CLVS1: variants seen among roughly 807,000 people sequenced by gnomAD.
CLVS1 encodes clavesin-1.
A neutral mutation model predicts 33.1 loss-of-function variants in CLVS1; 10 were observed. The ratio of observed to expected loss-of-function variants is 0.30; its 90% CI spans 0.19 to 0.51. CLVS1 has a LOEUF of 0.51. Ranked by LOEUF, CLVS1 falls within the 20% of genes least tolerant of loss-of-function variation. The pLI, the probability that CLVS1 is intolerant of heterozygous loss-of-function variation, is 0.97. For synonymous variants in CLVS1, 163 were observed against 166.1 expected, an observed-to-expected ratio of 0.98 and a Z score of 0.14; for missense variants, 343 against 433.4, an observed-to-expected ratio of 0.79 and a Z score of 1.85.
chr8:60,992,207 T>C, the CLVS1 span, among the ~76,000 whole-genome samples: 6 of 152,228 alleles, frequency 3.9e-5, no homozygotes, highest in Non-Finnish European at 5.9e-5. Context: ...GTCCAATTTG[T>C]AAGAATTGTC....
At chr8:61,467,425 G>A (rs753456453) in intron 5 of CLVS1, among the ~76,000 whole-genome samples, 4 of 152,116 alleles carry the variant, frequency 2.6e-5, no homozygotes, top group Non-Finnish European at 4.4e-5. Context: ...GTATTTCTTG[G>A]CAAAAATAAA....
the CLVS1 span, among the ~76,000 whole-genome samples, chr8:61,033,818 C>T: frequency 6.6e-6 from 1 of 152,208 alleles, no homozygotes; most frequent in Admixed American, 6.5e-5. Flanking sequence ...CCAACCCTGA[C>T]AGATGAGTCA....
intron 2 of CLVS1, among the ~76,000 whole-genome samples, chr8:61,365,249 C>T (rs1369714439): frequency 6.6e-6 from 1 of 152,086 alleles, no homozygotes; most frequent in African/African-American, 2.4e-5. Context: ...AAATGTTGGC[C>T]AGGTGCGTTG....
chr8:61,246,167 C>CTTTTTTTTTTTTTTTTTTTTTTTTTTT (rs1188366643), intron 2 of CLVS1, among the ~76,000 whole-genome samples: 2 of 82,210 alleles, frequency 2.4e-5, no homozygotes, highest in Admixed American at 1.7e-4. Flanking sequence ...TCCTTCCCAA[C>CTTTTTTTTTTTTTTTTTTTTTTTTTTT]TTTTTTTTTT....
intron 2 of CLVS1, among the ~76,000 whole-genome samples, chr8:61,279,993 TA>T (rs34597336): frequency 0.27 from 40,327 of 152,008 alleles, 6,522 homozygotes; most frequent in Non-Finnish European, 0.35. Flanking sequence ...TTAAATAAGA[TA>T]AAAAATCAGC....
rs117255784 is a variant in CLVS1 at position 61,325,974 on chromosome 8, A to G, written c.455+25692A>G. Among the ~76,000 whole-genome samples the G allele has an allele frequency of 3.5e-3, 530 of 152,252 alleles. 1 individual carries two copies. Among genetic ancestry groups the G allele is most frequent in the Non-Finnish European group, 5.2e-3 (357 of 68,008 alleles). ...CACAAGTTTATTAGGTACACTTGCC[A>G]TGCTCTACATTATCTCAGAAAACAC... On this transcript the variant is annotated intron_variant, in intron 2 of 5. Coordinates refer to ENST00000325897, the MANE Select transcript of CLVS1 (RefSeq NM_173519.3).
chr8:61,294,555 T>C (rs547134172), intron 1 of CLVS1, among the ~76,000 whole-genome samples: 4 of 152,162 alleles, frequency 2.6e-5, no homozygotes, highest in African/African-American at 7.2e-5. Context: ...TTACCAACAT[T>C]ATTTCACAGA....
intron 3 of CLVS1, among the ~76,000 whole-genome samples, chr8:61,437,243 T>C (rs1010484217): frequency 6.6e-6 from 1 of 152,166 alleles, no homozygotes; most frequent in Non-Finnish European, 1.5e-5. Flanking sequence ...ATGATTCTCT[T>C]TGGAAATTGA....
the CLVS1 span, among the ~76,000 whole-genome samples, chr8:60,994,264 C>T: frequency 6.6e-6 from 1 of 152,044 alleles, no homozygotes; most frequent in East Asian, 1.9e-4. Context: ...GGATGAGGAC[C>T]CACCCTAATG....
intron 3 of CLVS1, among the ~76,000 whole-genome samples, chr8:61,396,381 C>T (rs1814529529): frequency 1.3e-5 from 2 of 151,862 alleles, no homozygotes; most frequent in South Asian, 2.1e-4. Flanking sequence ...TTCAAAATTC[C>T]AAAAACTATG....
At chr8:61,125,788 G>C (rs1805958159) in intron 1 of CLVS1, among the ~76,000 whole-genome samples, 1 of 152,304 alleles carries the variant, frequency 6.6e-6, no homozygotes, top group South Asian at 2.1e-4. Flanking sequence ...ATATACCAGA[G>C]AGATTAATAG....
intron 2 of CLVS1, among the ~76,000 whole-genome samples, chr8:61,259,196 G>C (rs1809147938): frequency 6.6e-6 from 1 of 152,214 alleles, no homozygotes; most frequent in African/African-American, 2.4e-5. Context: ...ACAATAGCTA[G>C]TGCTTAGATA....
chr8:61,494,303 G>A (rs1804196306), intron 5 of CLVS1, among the ~76,000 whole-genome samples: 3 of 152,194 alleles, frequency 2.0e-5, no homozygotes, highest in Non-Finnish European at 2.9e-5. Context: ...TAGAATAAAG[G>A]AGGGTGGAGA....
At chr8:61,028,877 C>G in the CLVS1 span, among the ~76,000 whole-genome samples, 4 of 152,212 alleles carry the variant, frequency 2.6e-5, no homozygotes, top group African/African-American at 9.6e-5. Context: ...CATATTCTTA[C>G]TGTCTGCTGG....
At chr8:61,088,002 A>G (rs1321904384) in intron 1 of CLVS1, among the ~76,000 whole-genome samples, 6 of 152,172 alleles carry the variant, frequency 3.9e-5, no homozygotes, top group Non-Finnish European at 5.9e-5. Context: ...TCTGTTGTTC[A>G]CAATTCTATT....
chr8:61,113,679 G>A (rs1334821468), intron 1 of CLVS1, among the ~76,000 whole-genome samples: 1 of 152,216 alleles, frequency 6.6e-6, no homozygotes, highest in Non-Finnish European at 1.5e-5. Flanking sequence ...AGTGTCACCT[G>A]GAAAGGATGG....
chr8:61,462,876 G>A (rs1020141852), intron 5 of CLVS1, among the ~76,000 whole-genome samples: 2 of 152,100 alleles, frequency 1.3e-5, no homozygotes, highest in South Asian at 2.1e-4. Flanking sequence ...CTGCATTAGC[G>A]CCTAACAAGA....
chr8:61,270,117 T>G (rs1389364490), intron 2 of CLVS1, among the ~76,000 whole-genome samples: 1 of 152,224 alleles, frequency 6.6e-6, no homozygotes, highest in African/African-American at 2.4e-5. Flanking sequence ...TGCTTCCAGT[T>G]TTTGCCCATT....
chr8:61,100,442 CT>C (rs1194010243), intron 1 of CLVS1, among the ~76,000 whole-genome samples: 1 of 152,176 alleles, frequency 6.6e-6, no homozygotes, highest in Non-Finnish European at 1.5e-5. Context: ...TTTGAAGCTT[CT>C]TTGTCTTCCC....
Sources: allele counts gnomAD v4.1 joint callset (sites outside exome capture counted in the v4.1 genomes callset), GRCh38; gene constraint gnomAD v4.1.1; transcripts MANE v1.5; gene names NCBI Gene and HGNC (gene_info 2026-07-23, HGNC 2026-07-21).